CSRNP2: variants seen among roughly 807,000 people sequenced by gnomAD.
CSRNP2 encodes cysteine/serine-rich nuclear protein 2.
CSRNP2 carries 11 observed loss-of-function variants against 36.6 expected under a neutral mutation model. The ratio of observed to expected loss-of-function variants is 0.30; its 90% CI spans 0.19 to 0.50. CSRNP2 has a LOEUF of 0.50. CSRNP2 is among the 20% of genes least tolerant of loss of function. The probability of loss-of-function intolerance (pLI) is 0.98; values close to 1 mark genes in which losing one functional copy is unlikely to be tolerated. For missense variants in CSRNP2, 483 were observed against 691.4 expected (o/e 0.70, Z 3.38); for synonymous variants, 248 against 275.3 (o/e 0.90, Z 0.98).
chr12:51,066,229 C>T (rs1160047430), intron 4 of CSRNP2, among the ~76,000 whole-genome samples: 5 of 151,562 alleles, frequency 3.3e-5, no homozygotes, highest in African/African-American at 4.9e-5. Flanking sequence ...CTGAGGCAGG[C>T]GGATCACGAG....
chr12:51,083,061 C>G (rs1338707649), intron 1 of CSRNP2: 2 of 152,398 alleles, frequency 1.3e-5, no homozygotes, highest in African/African-American at 4.8e-5. Context: ...ATCTGCAATC[C>G]TGCAGGCTTC....
Position 51,076,510 on chromosome 12 carries a change from C to A in CSRNP2, c.52G>T (p.Val18Leu). The change falls in exon 2 of 5, where the codon GTG (valine) becomes TTG (leucine). Residue 18 changes from valine to leucine, a missense_variant. Transcript: ENST00000228515. ...TCTGAGTTGGAAACTGATGAGCCCA[C>A]ATCCACATCATCAAACTTCCTCTTG... ...GLKRKFDDVDVGSSVSNSDDE... is the reference protein window; with the variant it reads ...GLKRKFDDVDLGSSVSNSDDE... 3.1e-6 allele frequency: 5 copies of A among 1,614,120 alleles called. No homozygotes were observed. Among genetic ancestry groups the A allele is most frequent in the Non-Finnish European group, 4.2e-6 (5 of 1,180,022 alleles).
At chr12:51,071,749 T>G (rs1164227495) in intron 3 of CSRNP2, among the ~76,000 whole-genome samples, 7 of 152,256 alleles carry the variant, frequency 4.6e-5, no homozygotes, top group Non-Finnish European at 8.8e-5. Flanking sequence ...GATGGTATAC[T>G]GTTTTGACAG....
At chr12:51,075,668 A>G (rs997270731) in intron 2 of CSRNP2, among the ~76,000 whole-genome samples, 1 of 152,238 alleles carries the variant, frequency 6.6e-6, no homozygotes, top group African/African-American at 2.4e-5. Context: ...GTGTTCCAAC[A>G]AAACAGGCAT....
chr12:51,066,436 A>G (rs1204415969), intron 4 of CSRNP2, among the ~76,000 whole-genome samples: 3 of 148,108 alleles, frequency 2.0e-5, no homozygotes, highest in African/African-American at 7.4e-5. Flanking sequence ...GCCTGGCAAC[A>G]GAGCAAGACT....
rs555628679 is a variant in CSRNP2, at chr12:51,076,771, T to C, written c.-86-124A>G. ...TGATGTCTGCTTTCTCAATATTACG[T>C]TCTTTCTCTACTAGCTCTGGCCAAC... On this transcript the variant is annotated intron_variant, in intron 1 of 4. Coordinates refer to ENST00000228515, the MANE Select transcript of CSRNP2 (RefSeq NM_030809.3). 27 of 557,320 alleles carry C rather than the reference T, an allele frequency of 4.8e-5. No homozygotes were observed. In the East Asian group the frequency reaches 7.9e-4, roughly 16 times the overall value. 34.5% of individuals were successfully genotyped at this position (557,320 alleles called of 1,614,324 possible).
chr12:51,070,245 G>A (rs534889495), intron 3 of CSRNP2, among the ~76,000 whole-genome samples: 4 of 152,316 alleles, frequency 2.6e-5, no homozygotes, highest in African/African-American at 9.6e-5. Context: ...GGAGAGATGT[G>A]ATGCAATGGG....
At chr12:51,072,430 T>G (rs1005965743) in intron 3 of CSRNP2, among the ~76,000 whole-genome samples, 1 of 151,294 alleles carries the variant, frequency 6.6e-6, no homozygotes, top group African/African-American at 2.4e-5. Context: ...GGGTGTGGTG[T>G]TGGGCACCTG....
At chr12:51,065,110 G>A (rs1003566444) in intron 4 of CSRNP2, among the ~76,000 whole-genome samples, 5 of 152,210 alleles carry the variant, frequency 3.3e-5, no homozygotes, top group Admixed American at 6.5e-5. Context: ...CCTATGGCCT[G>A]CAATGACAGG....
intron 3 of CSRNP2, among the ~76,000 whole-genome samples, chr12:51,068,838 A>C (rs1938694097): frequency 6.6e-6 from 1 of 152,226 alleles, no homozygotes; most frequent in Admixed American, 6.5e-5. Flanking sequence ...TTAATCAATG[A>C]ACCCAAATCC....
chr12:51,074,157 G>A, intron 2 of CSRNP2, 75 bp from the exon 3 acceptor site: 5 of 1,486,950 alleles, frequency 3.4e-6, no homozygotes, highest in South Asian at 1.3e-5. Flanking sequence ...TCGCTCTGTT[G>A]CCCAGGCTGG....
chr12:51,066,552 A>T (rs1938348876), intron 4 of CSRNP2, among the ~76,000 whole-genome samples: 1 of 151,616 alleles, frequency 6.6e-6, no homozygotes, highest in African/African-American at 2.4e-5. Context: ...GAGGCGGGAG[A>T]ATCACTTGAA....
chr12:51,074,148 C>G (rs1454159955), intron 2 of CSRNP2, 66 bp from the exon 3 acceptor site: 3 of 1,510,328 alleles, frequency 2.0e-6, no homozygotes, highest in South Asian at 2.6e-5. Context: ...GATGGAGTCT[C>G]GCTCTGTTGC....
Position 51,067,358 on chromosome 12 carries a change from A to G in CSRNP2, c.708+315T>C, listed in dbSNP as rs576378173. 2.3e-4 allele frequency among the ~76,000 whole-genome samples: 35 copies of G among 151,980 alleles called. No homozygotes were observed. The South Asian group carries it at 7.3e-3, about 32-fold the overall frequency. On this transcript the variant is annotated intron_variant, in intron 4 of 4. Transcript: ENST00000228515. This position sits in a 1 kb window ranked among gnomAD's most constrained non-coding sequence, Gnocchi z 4.1. ...TGCTTGTTTTCTTTGCAAAAATTTT[A>G]AGAGACAGGGTCTCACTCTGTGACC... is the stretch of plus-strand genomic sequence containing the variant.
In CSRNP2 at chr12:51,083,383, C is replaced by A; in HGVS notation, c.-131G>T. The A allele has an allele frequency of 6.5e-6, 1 of 154,270 alleles. No homozygotes were observed. Among genetic ancestry groups the A allele is most frequent in the South Asian group, 1.8e-4 (1 of 5,538 alleles). 9.6% of individuals were successfully genotyped at this position (154,270 alleles called of 1,614,324 possible). ...TCCTCCCGTGATGGTCTCTGCCGCC[C>A]CCGCTGCCGCCGCCGCCCTAGCCCG... On this transcript the variant is annotated 5_prime_UTR_variant, in exon 1 of 5. Transcript: ENST00000228515.
chr12:51,066,230 G>A (rs962004996), intron 4 of CSRNP2, among the ~76,000 whole-genome samples: 15 of 152,026 alleles, frequency 9.9e-5, no homozygotes, highest in Non-Finnish European at 1.6e-4. Context: ...TGAGGCAGGC[G>A]GATCACGAGG....
At chr12:51,083,195 C>A in intron 1 of CSRNP2, 144 bp downstream of exon 1, 1 of 152,916 alleles carries the variant, frequency 6.5e-6, no homozygotes, top group Non-Finnish European at 1.5e-5. Flanking sequence ...TCCCCGCCCC[C>A]CGACCGCTCC....
At chr12:51,080,115 GAGA>G (rs1939576069) in intron 1 of CSRNP2, among the ~76,000 whole-genome samples, 1 of 122,234 alleles carries the variant, frequency 8.2e-6, no homozygotes, top group Non-Finnish European at 1.8e-5. Context: ...AGGGAGGGAA[GAGA>G]AGAAGGCAAG....
At chr12:51,069,450 C>T (rs1295560253) in intron 3 of CSRNP2, among the ~76,000 whole-genome samples, 1 of 149,810 alleles carries the variant, frequency 6.7e-6, no homozygotes, top group Admixed American at 6.6e-5. Context: ...CCATGCTCAG[C>T]TAATTTTTGT....
Sources: gnomAD v4.1 joint callset for allele counts (sites outside exome capture counted in the v4.1 genomes callset) on GRCh38, gnomAD v4.1.1 for gene constraint, Gnocchi (gnomAD v3.1) non-coding constraint, MANE v1.5 for transcripts, NCBI Gene and HGNC (gene_info 2026-07-23, HGNC 2026-07-21) for gene names.